The following PDE4D variants were observed in gnomAD, a reference collection of about 807,000 sequenced individuals.
PDE4D encodes phosphodiesterase 4D.
In PDE4D, 24 loss-of-function variants were observed where a neutral mutation model predicts 87.4. The ratio of observed to expected loss-of-function variants is 0.27; its 90% CI spans 0.20 to 0.39. The LOEUF is 0.39. Ranked by LOEUF, PDE4D falls within the 10% of genes least tolerant of loss-of-function variation. The pLI, the probability that PDE4D is intolerant of heterozygous loss-of-function variation, is 1.00. For synonymous variants in PDE4D, 384 were observed against 383.2 expected, an observed-to-expected ratio of 1.00 and a Z score of -0.02; for missense variants, 714 against 1,041.0, an observed-to-expected ratio of 0.69 and a Z score of 4.32.
At chr5:59,680,025 T>G (rs974940568) in intron 1 of PDE4D, among the ~76,000 whole-genome samples, 9 of 152,148 alleles carry the variant, frequency 5.9e-5, no homozygotes, top group Non-Finnish European at 1.3e-4. Context: ...ACTTTTACAT[T>G]TGTGTTTCTA....
At chr5:59,895,236 A>G (rs190644464), upstream of PDE4D, among the ~76,000 whole-genome samples, 1 of 152,336 alleles carries the variant, frequency 6.6e-6, no homozygotes, top group African/African-American at 2.4e-5. Flanking sequence ...GCCAATGAAA[A>G]TAAGTGCTCA....
At chr5:60,039,573 C>T (rs1473206011) in intron 2 of PDE4D, among the ~76,000 whole-genome samples, 2 of 150,734 alleles carry the variant, frequency 1.3e-5, no homozygotes, top group Non-Finnish European at 3.0e-5. Context: ...TACCCTAAAA[C>T]TTAAACTATA....
chr5:59,555,913 A>C (rs569238820), intron 1 of PDE4D, among the ~76,000 whole-genome samples: 3 of 152,254 alleles, frequency 2.0e-5, no homozygotes, highest in South Asian at 4.1e-4. Flanking sequence ...CTTCATTAGA[A>C]TATGACCATC....
intron 1 of PDE4D, among the ~76,000 whole-genome samples, chr5:59,582,234 T>C (rs987883427): frequency 2.0e-5 from 3 of 152,208 alleles, no homozygotes; most frequent in African/African-American, 4.8e-5. Context: ...TTATCTTACA[T>C]GAGACTTGAT....
intron 6 of PDE4D, among the ~76,000 whole-genome samples, chr5:59,028,976 AT>A (rs1356028644): frequency 1.3e-5 from 2 of 152,218 alleles, no homozygotes; most frequent in Non-Finnish European, 2.9e-5. Flanking sequence ...CTATGATTTC[AT>A]GTATACCATT....
At chr5:59,305,125 G>A (rs1238237121) in intron 1 of PDE4D, among the ~76,000 whole-genome samples, 3 of 152,014 alleles carry the variant, frequency 2.0e-5, no homozygotes, top group Non-Finnish European at 2.9e-5. Flanking sequence ...AGCTAGGAGT[G>A]TTGTATTTTT....
chr5:59,550,501 A>G (rs1817936796), intron 1 of PDE4D, among the ~76,000 whole-genome samples: 1 of 152,184 alleles, frequency 6.6e-6, no homozygotes. Context: ...TTTAGTCAAT[A>G]CGCTGAATTT....
intron 1 of PDE4D, among the ~76,000 whole-genome samples, chr5:59,756,509 TACACACAC>T (rs3062590): frequency 2.1e-5 from 3 of 144,926 alleles, no homozygotes; most frequent in African/African-American, 5.2e-5. Context: ...ACCCAAAACA[TACACACAC>T]ACACACACAC....
intron 1 of PDE4D, among the ~76,000 whole-genome samples, chr5:59,335,489 C>G (rs1397724103): frequency 3.9e-5 from 6 of 152,074 alleles, no homozygotes; most frequent in African/African-American, 1.5e-4. Flanking sequence ...AGTTTTTGCC[C>G]CTATGGGTGG....
chr5:60,389,595 A>G (rs767862026), intron 1 of PDE4D, among the ~76,000 whole-genome samples: 1 of 152,198 alleles, frequency 6.6e-6, no homozygotes, highest in African/African-American at 2.4e-5. Context: ...CTCAGAAGGC[A>G]CAGCTCATCT....
chr5:60,088,139 A>C (rs1774729485), intron 2 of PDE4D, among the ~76,000 whole-genome samples: 1 of 150,940 alleles, frequency 6.6e-6, no homozygotes, highest in Non-Finnish European at 1.5e-5. Context: ...CCAGCTAAGA[A>C]TACTATACCC....
chr5:59,502,959 T>C (rs1032583841), intron 1 of PDE4D, among the ~76,000 whole-genome samples: 5 of 151,240 alleles, frequency 3.3e-5, no homozygotes, highest in African/African-American at 1.2e-4. Flanking sequence ...TTTTGAAGAG[T>C]TGATCTCAAT....
intron 1 of PDE4D, among the ~76,000 whole-genome samples, chr5:59,553,610 T>C (rs978289863): frequency 6.6e-6 from 1 of 152,192 alleles, no homozygotes; most frequent in Non-Finnish European, 1.5e-5. Flanking sequence ...GGGAGTTCTT[T>C]GGAACTAATT....
intron 1 of PDE4D, among the ~76,000 whole-genome samples, chr5:59,374,050 C>T (rs1402355221): frequency 6.6e-6 from 1 of 152,100 alleles, no homozygotes; most frequent in East Asian, 1.9e-4. Context: ...AAAGGAAAGA[C>T]CATTACCAGA....
chr5:59,185,959 C>A (rs1257722444), intron 3 of PDE4D, among the ~76,000 whole-genome samples: 1 of 152,182 alleles, frequency 6.6e-6, no homozygotes, highest in African/African-American at 2.4e-5. Flanking sequence ...ATAGGTGTCA[C>A]TATCTCTAAC....
intron 1 of PDE4D, among the ~76,000 whole-genome samples, chr5:59,452,339 A>G (rs1337942864): frequency 6.6e-6 from 1 of 152,254 alleles, no homozygotes. Context: ...GCTAAAAGAA[A>G]CACTCTATGC....
At chr5:59,300,839 A>G (rs926605322) in intron 1 of PDE4D, among the ~76,000 whole-genome samples, 1 of 152,172 alleles carries the variant, frequency 6.6e-6, no homozygotes, top group Non-Finnish European at 1.5e-5. Flanking sequence ...TGGAGCTTCT[A>G]ACCGGCCACC....
At chr5:59,840,671 G>A (rs1231478529) in intron 1 of PDE4D, among the ~76,000 whole-genome samples, 2 of 152,078 alleles carry the variant, frequency 1.3e-5, no homozygotes, top group Non-Finnish European at 2.9e-5. Flanking sequence ...CCGCCACACA[G>A]AAGAGGGTGT....
intron 1 of PDE4D, among the ~76,000 whole-genome samples, chr5:59,422,053 A>G (rs1264550386): frequency 6.6e-6 from 1 of 152,186 alleles, no homozygotes; most frequent in Non-Finnish European, 1.5e-5. Flanking sequence ...CAACTGCTCA[A>G]AAGGAGACAA....
Sources: gnomAD v4.1 joint callset for allele counts (sites outside exome capture counted in the v4.1 genomes callset) on GRCh38, gnomAD v4.1.1 for gene constraint, MANE v1.5 for transcripts, NCBI Gene and HGNC (gene_info 2026-07-23, HGNC 2026-07-21) for gene names.